The following STRA6 variants were observed in gnomAD, a reference collection of about 807,000 sequenced individuals.
STRA6 encodes signaling receptor and transporter of retinol STRA6, also known as receptor for retinol uptake STRA6.
Under a neutral mutation model 83.6 loss-of-function variants are expected in STRA6, and 48 were observed. The ratio of observed to expected loss-of-function variants is 0.57; its 90% CI spans 0.46 to 0.73. The LOEUF is 0.73. STRA6 is among the 30% of genes least tolerant of loss of function. The pLI, the probability that STRA6 is intolerant of heterozygous loss-of-function variation, is 0.00. For synonymous variants in STRA6, 353 were observed against 362.3 expected (o/e 0.97, Z 0.29); for missense variants, 760 against 838.8 (o/e 0.91, Z 1.16).
upstream of STRA6, among the ~76,000 whole-genome samples, chr15:74,209,907 C>T (rs1314075070): frequency 6.6e-6 from 1 of 152,142 alleles, no homozygotes; most frequent in Non-Finnish European, 1.5e-5. Flanking sequence ...CAGTCTCTTC[C>T]TTGAAGGAGA....
intron 2 of STRA6, among the ~76,000 whole-genome samples, chr15:74,201,876 T>C (rs1267819080): frequency 6.6e-6 from 1 of 152,046 alleles, no homozygotes; most frequent in Non-Finnish European, 1.5e-5. Flanking sequence ...TCCCTGCAGA[T>C]CTGAATCATC....
At chr15:74,191,520 A>C in intron 8 of STRA6, 29 bp from the exon 9 acceptor site, 1 of 1,604,066 alleles carries the variant, frequency 6.2e-7, no homozygotes, top group Non-Finnish European at 8.5e-7. Context: ...GAACAAGCAG[A>C]TGAGATCTGC....
In STRA6 at chr15:74,190,783, T is replaced by C. The variant is rs545507779; in HGVS notation, c.927+57A>G. 11 of 1,613,148 alleles carry C rather than the reference T, an allele frequency of 6.8e-6. 1 individual carries two copies. The African/African-American group carries it at 1.2e-4, about 18-fold the overall frequency. On this transcript the variant is annotated intron_variant, in intron 11 of 18. Transcript: ENST00000395105. Reference sequence around the variant, plus strand: ...GGGTTGGGCCGGAACTGCTCCAGGCTTGGGGGTTGAGGGCAGGGCTCCAGA... The same window carrying C: ...GGGTTGGGCCGGAACTGCTCCAGGCCTGGGGGTTGAGGGCAGGGCTCCAGA...
At chr15:74,181,019 G>T in intron 17 of STRA6, 82 bp from the exon 18 acceptor site, 1 of 1,569,978 alleles carries the variant, frequency 6.4e-7, no homozygotes. Context: ...CACACACACA[G>T]GGAGTGCACG....
rs1370416757 is a variant in STRA6 at position 74,188,152 on chromosome 15, G to A, written c.1090+963C>T. 6.6e-6 allele frequency among the ~76,000 whole-genome samples: 1 copy of A among 152,210 alleles called. No homozygotes were observed. The highest frequency in any genetic ancestry group is 1.5e-5 in the Non-Finnish European group (1 of 68,032). ...ATGGTGGAGGTGGTCAGGGAAGGAA[G>A]TGGTCACTCCGTGCACCTCTGCCCA... On this transcript the variant is annotated intron_variant, in intron 12 of 18. Coordinates refer to ENST00000395105, the MANE Select transcript of STRA6 (RefSeq NM_022369.4). The surrounding 1 kb of genome is among the most constrained non-coding windows in gnomAD (Gnocchi z 4.5).
chr15:74,184,648 G>A (rs369385003), intron 13 of STRA6, among the ~76,000 whole-genome samples: 11 of 152,122 alleles, frequency 7.2e-5, no homozygotes, highest in African/African-American at 7.2e-5. Context: ...TTCCATTCCC[G>A]GGCAGGTGCA....
intron 11 of STRA6, among the ~76,000 whole-genome samples, 155 bp from the exon 12 acceptor site, chr15:74,189,432 G>A (rs909410162): frequency 7.2e-5 from 11 of 152,156 alleles, no homozygotes; most frequent in African/African-American, 2.7e-4. Context: ...GGGATCTCAC[G>A]CCTCTAAATG....
chr15:74,205,287 A>AG (rs1471335189), upstream of STRA6, among the ~76,000 whole-genome samples: 1 of 152,112 alleles, frequency 6.6e-6, no homozygotes, highest in Non-Finnish European at 1.5e-5. Flanking sequence ...TTAGAAGGAA[A>AG]GGGGGTTTAT....
At chr15:74,180,700 C>A (rs1257879068) in intron 18 of STRA6, 82 bp downstream of exon 18, 1 of 1,518,734 alleles carries the variant, frequency 6.6e-7, no homozygotes, top group African/African-American at 1.4e-5. Flanking sequence ...GGCGCTCACT[C>A]TGTGTGCTGG....
intron 11 of STRA6, among the ~76,000 whole-genome samples, chr15:74,190,198 T>C (rs1453961937): frequency 6.6e-6 from 1 of 152,174 alleles, no homozygotes; most frequent in African/African-American, 2.4e-5. Context: ...TATCTAAACT[T>C]TGGAATGTAA....
At chr15:74,194,499 C>T in intron 7 of STRA6, 1 of 492,754 alleles carries the variant, frequency 2.0e-6, no homozygotes, top group Non-Finnish European at 2.8e-6. Flanking sequence ...TTCACCTCCA[C>T]CCTGAGGGAC....
At chr15:74,197,624 C>T in intron 3 of STRA6, 128 bp downstream of exon 3, 2 of 1,341,168 alleles carry the variant, frequency 1.5e-6, no homozygotes, top group Non-Finnish European at 2.1e-6. Context: ...GCTGGGAGAA[C>T]TCCCAGATAG....
At chr15:74,198,071 A>G (rs1313407695) in intron 2 of STRA6, among the ~76,000 whole-genome samples, 1 of 151,470 alleles carries the variant, frequency 6.6e-6, no homozygotes, top group Non-Finnish European at 1.5e-5. Flanking sequence ...TCCCAGGGGA[A>G]GCAGAGTAGA....
Position 74,193,902 on chromosome 15 carries a change from C to A in STRA6, c.618G>T (p.Leu206=), listed in dbSNP as rs2142043858. The A allele has an allele frequency of 6.2e-7, 1 of 1,613,658 alleles. No homozygotes were observed. Among genetic ancestry groups the A allele is most frequent in the Non-Finnish European group, 8.5e-7 (1 of 1,179,664 alleles). The change falls in exon 8 of 19, where the codon CTG becomes CTT. Residue 206 remains leucine, a synonymous_variant. Transcript: ENST00000395105. ...QVPKIYKYYS[L]LASLPLLLGL... is the part of the protein sequence containing the mutation. ...CCAGCAGGAGAGGCAGGGAGGCCAG[C>A]AGGGAGTAGTACTTGTAGATCTGGA...
At chr15:74,189,012 T>A in intron 12 of STRA6, 103 bp downstream of exon 12, 1 of 1,412,076 alleles carries the variant, frequency 7.1e-7, no homozygotes, top group South Asian at 1.2e-5. Context: ...AAGGAATGTG[T>A]CCAAGGGCCC....
chr15:74,189,906 C>A (rs1382450585), intron 11 of STRA6, among the ~76,000 whole-genome samples: 1 of 152,146 alleles, frequency 6.6e-6, no homozygotes, highest in East Asian at 1.9e-4. Context: ...TTGTGATCCG[C>A]CCGCCTCAGC....
At chr15:74,193,075 A>C (rs2073630672) in intron 8 of STRA6, among the ~76,000 whole-genome samples, 1 of 152,190 alleles carries the variant, frequency 6.6e-6, no homozygotes, top group African/African-American at 2.4e-5. Context: ...ACCATGATGC[A>C]TTCATCCATC....
chr15:74,202,702 C>A lies in STRA6; in HGVS notation c.-16+11G>T. 7.6e-7 allele frequency: 1 copy of A among 1,317,406 alleles called. No homozygotes were observed. Among genetic ancestry groups the A allele is most frequent in the Non-Finnish European group, 9.6e-7 (1 of 1,038,180 alleles). 81.6% of individuals were successfully genotyped at this position (1,317,406 alleles called of 1,614,324 possible). A position where few individuals can be genotyped will look rare whatever the true frequency, so the allele number is the denominator to read the frequency against. ...TTTCCCAAGCCCACCTAGACAGACC[C>A]ACAGACACACCAGAAGGGAGGCCCA... On this transcript the variant is annotated intron_variant, in intron 1 of 18. Transcript: ENST00000395105.
At chr15:74,192,578 G>C (rs2073600498) in intron 8 of STRA6, among the ~76,000 whole-genome samples, 1 of 152,134 alleles carries the variant, frequency 6.6e-6, no homozygotes, top group African/African-American at 2.4e-5. Context: ...ACTTTGAGCA[G>C]TACACCCTCA....
Sources: gnomAD v4.1 joint callset for allele counts (sites outside exome capture counted in the v4.1 genomes callset) on GRCh38, gnomAD v4.1.1 for gene constraint, Gnocchi (gnomAD v3.1) non-coding constraint, MANE v1.5 for transcripts, NCBI Gene and HGNC (gene_info 2026-07-23, HGNC 2026-07-21) for gene names.